The following SPATA6 variants were observed in gnomAD, a reference collection of about 807,000 sequenced individuals.
SPATA6 encodes spermatogenesis-associated protein 6.
SPATA6 carries 56 observed loss-of-function variants against 65.3 expected under a neutral mutation model. The ratio of observed to expected loss-of-function variants is 0.86; its 90% confidence interval spans 0.69 to 1.07. The LOEUF (loss-of-function observed/expected upper bound fraction) is 1.07. Ranked by LOEUF, SPATA6 falls within the 50% of genes least tolerant of loss-of-function variation. The pLI, the probability that SPATA6 is intolerant of heterozygous loss-of-function variation, is 0.00. For missense variants in SPATA6, 590 were observed against 594.8 expected (o/e 0.99, Z 0.08); for synonymous variants, 199 against 213.2 (o/e 0.93, Z 0.58).
intron 2 of SPATA6, among the ~76,000 whole-genome samples, chr1:48,452,047 T>C (rs1410034287): frequency 6.6e-6 from 1 of 152,202 alleles, no homozygotes; most frequent in African/African-American, 2.4e-5. Context: ...CCGCCCATTA[T>C]TCTCTTCATG....
chr1:48,353,314 A>G (rs1050846235), intron 11 of SPATA6, among the ~76,000 whole-genome samples: 3 of 151,954 alleles, frequency 2.0e-5, no homozygotes, highest in Non-Finnish European at 4.4e-5. Context: ...AAGGCAAACA[A>G]TAACAAAATA....
At chr1:48,384,273 C>T (rs1259878234) in intron 9 of SPATA6, among the ~76,000 whole-genome samples, 4 of 136,464 alleles carry the variant, frequency 2.9e-5, no homozygotes, top group Admixed American at 7.6e-5. Flanking sequence ...TGCAGTGAGC[C>T]GAGATGGCAG....
chr1:48,429,251 GC>G (rs1381335003), intron 3 of SPATA6, among the ~76,000 whole-genome samples: 1 of 152,076 alleles, frequency 6.6e-6, no homozygotes, highest in Non-Finnish European at 1.5e-5. Context: ...ATTGTTGCAA[GC>G]CCCTCCCAAG....
At chr1:48,407,680 G>A (rs999615112) in intron 5 of SPATA6, among the ~76,000 whole-genome samples, 1 of 152,108 alleles carries the variant, frequency 6.6e-6, no homozygotes, top group Non-Finnish European at 1.5e-5. Flanking sequence ...AAACTTCTTC[G>A]TCTTACCTTG....
intron 11 of SPATA6, among the ~76,000 whole-genome samples, chr1:48,313,123 G>A (rs1042795386): frequency 3.9e-5 from 6 of 152,212 alleles, no homozygotes; most frequent in Non-Finnish European, 7.3e-5. Context: ...ACACTCCACA[G>A]GATATTTTCC....
chr1:48,434,587 T>G (rs891600771), intron 3 of SPATA6, among the ~76,000 whole-genome samples: 2 of 151,376 alleles, frequency 1.3e-5, no homozygotes, highest in African/African-American at 4.8e-5. Context: ...ATCTGAGGAG[T>G]GACTGGAAAT....
At chr1:48,362,843 C>T (rs1377201754) in intron 9 of SPATA6, among the ~76,000 whole-genome samples, 2 of 152,008 alleles carry the variant, frequency 1.3e-5, no homozygotes, top group Non-Finnish European at 2.9e-5. Context: ...TATTTCTATA[C>T]AAATGTAATA....
intron 12 of SPATA6, among the ~76,000 whole-genome samples, chr1:48,304,134 G>A (rs963188797): frequency 2.6e-5 from 4 of 152,062 alleles, no homozygotes; most frequent in African/African-American, 7.2e-5. Context: ...TATTACTTGA[G>A]GATAAAACTA....
the SPATA6 span, among the ~76,000 whole-genome samples, chr1:48,275,370 C>A: frequency 6.6e-6 from 1 of 152,136 alleles, no homozygotes; most frequent in African/African-American, 2.4e-5. Flanking sequence ...GAACTTCCAA[C>A]ACTATGTTGA....
chr1:48,394,992 T>A (rs1363463996), intron 8 of SPATA6, among the ~76,000 whole-genome samples: 1 of 151,958 alleles, frequency 6.6e-6, no homozygotes, highest in African/African-American at 2.4e-5. Flanking sequence ...ATCAAGTCAT[T>A]TTTTACTAGA....
chr1:48,353,719 A>C (rs1646578485), intron 11 of SPATA6, among the ~76,000 whole-genome samples: 1 of 152,028 alleles, frequency 6.6e-6, no homozygotes. Context: ...TAATCATGAG[A>C]CTTGAACCTT....
intron 3 of SPATA6, among the ~76,000 whole-genome samples, chr1:48,420,325 G>T (rs1016430224): frequency 6.6e-6 from 1 of 152,062 alleles, no homozygotes; most frequent in African/African-American, 2.4e-5. Flanking sequence ...GGTAAACATA[G>T]GTTTAAGTGT....
At chr1:48,325,199 T>C in intron 11 of SPATA6, 2 of 698,676 alleles carry the variant, frequency 2.9e-6, no homozygotes, top group Admixed American at 4.5e-5. Context: ...AGGGTTCGTG[T>C]TCACTGCTGC....
At chr1:48,434,760 T>C (rs1035770866) in intron 3 of SPATA6, among the ~76,000 whole-genome samples, 4 of 152,046 alleles carry the variant, frequency 2.6e-5, no homozygotes, top group Non-Finnish European at 5.9e-5. Context: ...AAGATGAAAA[T>C]CCAGTTTCAA....
chr1:48,290,197 A>G, the SPATA6 span, among the ~76,000 whole-genome samples: 16 of 152,300 alleles, frequency 1.1e-4, no homozygotes, highest in East Asian at 2.9e-3. Context: ...CCAATATTCA[A>G]CATTCTTAAA....
chr1:48,369,502 G>A (rs1486900551), intron 9 of SPATA6, among the ~76,000 whole-genome samples: 1 of 152,218 alleles, frequency 6.6e-6, no homozygotes, highest in Non-Finnish European at 1.5e-5. Flanking sequence ...CCCCCAGCCT[G>A]GCTGCCGCCT....
chr1:48,431,839 A>G (rs1654432451), intron 3 of SPATA6, among the ~76,000 whole-genome samples: 1 of 152,206 alleles, frequency 6.6e-6, no homozygotes. Context: ...GGCAGGGTGT[A>G]GCGACTCACG....
At chr1:48,294,037 C>T (rs534922449), downstream of SPATA6, among the ~76,000 whole-genome samples, 5 of 152,306 alleles carry the variant, frequency 3.3e-5, no homozygotes, top group East Asian at 9.6e-4. Context: ...TCTTACTTAC[C>T]TCTTCGTTTC....
chr1:48,424,991 T>C (rs1026571517), intron 3 of SPATA6, among the ~76,000 whole-genome samples: 2 of 152,194 alleles, frequency 1.3e-5, no homozygotes, highest in African/African-American at 4.8e-5. Flanking sequence ...GCTTTTTAAC[T>C]TGATGTGATC....
Sources: gnomAD v4.1 joint callset for allele counts (sites outside exome capture counted in the v4.1 genomes callset) on GRCh38, gnomAD v4.1.1 for gene constraint, MANE v1.5 for transcripts, NCBI Gene and HGNC (gene_info 2026-07-23, HGNC 2026-07-21) for gene names.